The following FGF10 variants were observed in gnomAD, a reference collection of about 807,000 sequenced individuals.
FGF10 encodes the protein FGF-10.
Under a neutral mutation model 19.8 loss-of-function variants are expected in FGF10, and 2 were observed. The ratio of observed to expected loss-of-function variants is 0.10; its 90% CI spans 0.04 to 0.32. The LOEUF (loss-of-function observed/expected upper bound fraction) is 0.32, where lower values mean the gene tolerates loss of function less well. Among genes scored for constraint, FGF10 ranks in the 10% least tolerant of loss-of-function variants. FGF10 has a pLI of 1.00. For missense variants in FGF10, 191 were observed against 246.3 expected (o/e 0.78, Z 1.50); for synonymous variants, 112 against 94.0 (o/e 1.19, Z -1.10).
intron 1 of FGF10, among the ~76,000 whole-genome samples, chr5:44,373,390 A>G (rs1741786237): frequency 6.6e-6 from 1 of 152,168 alleles, no homozygotes; most frequent in Admixed American, 6.5e-5. Flanking sequence ...TTCCCAAATC[A>G]TCAAGTGCTA....
chr5:44,367,272 C>T (rs1431842688), intron 1 of FGF10, among the ~76,000 whole-genome samples: 1 of 151,872 alleles, frequency 6.6e-6, no homozygotes, highest in Non-Finnish European at 1.5e-5. Context: ...AGGAGCCAGA[C>T]TTTTTTAACT....
intron 1 of FGF10, among the ~76,000 whole-genome samples, chr5:44,312,060 G>A (rs1740224337): frequency 6.6e-6 from 1 of 151,902 alleles, no homozygotes; most frequent in Non-Finnish European, 1.5e-5. Context: ...ACCTAACACA[G>A]CACTCCTTTT....
intron 1 of FGF10, among the ~76,000 whole-genome samples, chr5:44,334,283 A>T (rs181367954): frequency 6.6e-6 from 1 of 152,190 alleles, no homozygotes; most frequent in African/African-American, 2.4e-5. Flanking sequence ...TGTACTCCAG[A>T]GTAAGAATCC....
At chr5:44,328,658 A>G (rs1318059085) in intron 1 of FGF10, among the ~76,000 whole-genome samples, 1 of 152,166 alleles carries the variant, frequency 6.6e-6, no homozygotes, top group African/African-American at 2.4e-5. Flanking sequence ...GATGCTCAGA[A>G]GGCTGAGGTA....
At chr5:44,334,319 T>G (rs1367598659) in intron 1 of FGF10, among the ~76,000 whole-genome samples, 1 of 152,058 alleles carries the variant, frequency 6.6e-6, no homozygotes, top group Non-Finnish European at 1.5e-5. Context: ...TTCTTCTCAT[T>G]CTTTCATAGA....
At chr5:44,349,168 T>C (rs1233212002) in intron 1 of FGF10, among the ~76,000 whole-genome samples, 1 of 150,900 alleles carries the variant, frequency 6.6e-6, no homozygotes, top group African/African-American at 2.4e-5. Flanking sequence ...TCTCCCACTT[T>C]CTACTTTGAG....
At chr5:44,381,462 A>G (rs1741980325) in intron 1 of FGF10, among the ~76,000 whole-genome samples, 1 of 151,606 alleles carries the variant, frequency 6.6e-6, no homozygotes, top group Non-Finnish European at 1.5e-5. Flanking sequence ...GAAACCAGAT[A>G]AAAGTAATAA....
Position 44,355,664 on chromosome 5 carries a change from G to T in FGF10, c.325+32694C>A, listed in dbSNP as rs17227718. 2.6e-3 allele frequency among the ~76,000 whole-genome samples: 396 copies of T among 151,198 alleles called. 5 individuals are homozygous for T. The highest frequency in any genetic ancestry group is 0.016 in the East Asian group (80 of 5,100). On this transcript the variant is annotated intron_variant, in intron 1 of 2. Coordinates refer to ENST00000264664, the MANE Select transcript of FGF10 (RefSeq NM_004465.2). ...AGAATATAATGGTCCATATTTTTCCGCAATACTTAAACAAAACTAAAATGA... is the reference window on the plus strand; with the variant it reads ...AGAATATAATGGTCCATATTTTTCCTCAATACTTAAACAAAACTAAAATGA...
At chr5:44,356,957 C>T (rs1741360078) in intron 1 of FGF10, among the ~76,000 whole-genome samples, 1 of 151,164 alleles carries the variant, frequency 6.6e-6, no homozygotes, top group African/African-American at 2.4e-5. Context: ...ACATCCCTTT[C>T]CCCCAGTACA....
intron 1 of FGF10, among the ~76,000 whole-genome samples, chr5:44,384,290 G>A (rs1742051155): frequency 6.6e-6 from 1 of 152,094 alleles, no homozygotes; most frequent in Admixed American, 6.5e-5. Context: ...TGAGATTGAT[G>A]TATGTGTATT....
intron 1 of FGF10, among the ~76,000 whole-genome samples, chr5:44,333,284 C>A (rs1011730739): frequency 6.6e-6 from 1 of 152,092 alleles, no homozygotes; most frequent in African/African-American, 2.4e-5. Flanking sequence ...GCACTTAACT[C>A]TTGCATAGTG....
At chr5:44,376,282 C>T (rs1741853284) in intron 1 of FGF10, among the ~76,000 whole-genome samples, 1 of 151,378 alleles carries the variant, frequency 6.6e-6, no homozygotes, top group African/African-American at 2.4e-5. Flanking sequence ...TATAAATAAC[C>T]CAGATTCTAC....
rs1269817129 is a variant in FGF10 at position 44,300,583 on chromosome 5, C to T, written c.*4412G>A. The stretch of plus-strand genomic sequence containing the variant: ...GAGAATGATCTTAAAACCTCTCTAA[C>T]TTGGACAAACAAACAGGTGAAGAAT... On this transcript the variant is annotated 3_prime_UTR_variant, in exon 3 of 3. Transcript: ENST00000264664. Among the ~76,000 whole-genome samples, 1 of 152,176 alleles carries T rather than the reference C, an allele frequency of 6.6e-6. No individual in the cohort carries two copies. The highest frequency in any genetic ancestry group is 1.9e-4 in the East Asian group (1 of 5,194).
chr5:44,364,693 T>A (rs1333395264), intron 1 of FGF10, among the ~76,000 whole-genome samples: 1 of 151,928 alleles, frequency 6.6e-6, no homozygotes, highest in Non-Finnish European at 1.5e-5. Flanking sequence ...ATGAAGATAC[T>A]ACCACATATG....
chr5:44,310,470 T>C lies in FGF10; in HGVS notation c.386A>G (p.Asn129Ser). The C allele has an allele frequency of 6.2e-7, 1 of 1,612,740 alleles. No homozygotes were observed. The highest frequency in any genetic ancestry group is 8.5e-7 in the Non-Finnish European group (1 of 1,179,108). The change falls in exon 2 of 3, where the codon AAC becomes AGC. Residue 129 changes from asparagine to serine, a missense_variant. Around this residue, in one of 2 missense-constraint regions of FGF10, gnomAD observed 99 missense variants for 161.7 expected, o/e 0.61. Transcript: ENST00000264664. Reference sequence around the variant, plus strand: ...CTTCTTGTTCATGGCTAAGTAATAGTTGCTGTTAATGGCTTTGACGGCAAC... The same window carrying C: ...CTTCTTGTTCATGGCTAAGTAATAGCTGCTGTTAATGGCTTTGACGGCAAC... ...GVVAVKAINS[N>S]YYLAMNKKGK...
chr5:44,358,708 G>C (rs72764708), intron 1 of FGF10, among the ~76,000 whole-genome samples: 1 of 151,518 alleles, frequency 6.6e-6, no homozygotes, highest in East Asian at 2.0e-4. Context: ...CTAACAGCTA[G>C]CTCACCCCAG....
In FGF10 at chr5:44,348,852, C is replaced by T. The variant is rs1269122283; in HGVS notation, c.326-38322G>A. 6.6e-5 allele frequency among the ~76,000 whole-genome samples: 10 copies of T among 151,202 alleles called. No homozygotes were observed. In the Admixed American group the frequency reaches 6.6e-4, roughly 10 times the overall value. ...TCTGGGAAGTGGTGACTTATGTTTC[C>T]CCTCATCACCTCTGATTCTAAATTC... On this transcript the variant is annotated intron_variant, in intron 1 of 2. Coordinates refer to ENST00000264664, the MANE Select transcript of FGF10 (RefSeq NM_004465.2).
At chr5:44,386,566 C>A (rs184224969) in intron 1 of FGF10, among the ~76,000 whole-genome samples, 2 of 151,958 alleles carry the variant, frequency 1.3e-5, no homozygotes, top group African/African-American at 4.8e-5. Flanking sequence ...AATTTTTAAT[C>A]GAAAAACCTT....
intron 1 of FGF10, among the ~76,000 whole-genome samples, chr5:44,359,524 T>A (rs1741426875): frequency 6.6e-6 from 1 of 151,444 alleles, no homozygotes; most frequent in African/African-American, 2.4e-5. Flanking sequence ...GGGAGGGTGT[T>A]GTACAGTGGA....
Sources: gnomAD v4.1 joint callset for allele counts (sites outside exome capture counted in the v4.1 genomes callset) on GRCh38, gnomAD v4.1.1 for gene constraint, gnomAD v4.1.1 regional missense constraint, MANE v1.5 for transcripts, NCBI Gene and HGNC (gene_info 2026-07-23, HGNC 2026-07-21) for gene names.